AATK: variants seen among roughly 807,000 people sequenced by gnomAD.
AATK encodes lemur tail kinase 1, also known as serine/threonine-protein kinase LMTK1.
AATK carries 91 observed loss-of-function variants against 114.3 expected under a neutral mutation model. The ratio of observed to expected loss-of-function variants is 0.80; its 90% CI spans 0.67 to 0.95. The LOEUF (loss-of-function observed/expected upper bound fraction) is 0.95. Ranked by LOEUF, AATK falls within the 40% of genes least tolerant of loss-of-function variation. The pLI, the probability that AATK is intolerant of heterozygous loss-of-function variation, is 0.00. For synonymous variants in AATK, 1,075 were observed against 916.5 expected (o/e 1.17, Z -3.12); for missense variants, 2,176 against 1,965.2 (o/e 1.11, Z -2.03).
At chr17:81,143,695 C>CT (rs1281789063) in intron 1 of AATK, among the ~76,000 whole-genome samples, 1 of 152,236 alleles carries the variant, frequency 6.6e-6, no homozygotes, top group Non-Finnish European at 1.5e-5. Flanking sequence ...GAGGCCAGGA[C>CT]TGTGTGGAGT....
intron 1 of AATK, among the ~76,000 whole-genome samples, chr17:81,155,040 G>A (rs1231457118): frequency 6.6e-6 from 1 of 152,350 alleles, no homozygotes; most frequent in Non-Finnish European, 1.5e-5. Context: ...GGAGACCTTT[G>A]GAGGGTTCTC....
At position 81,120,505 on chromosome 17, in the gene AATK, C is replaced by A; in HGVS notation, c.3431G>T (p.Arg1144Leu). The change falls in exon 11 of 14, where the codon CGC becomes CTC. Residue 1144 changes from arginine to leucine, a missense_variant. Physicochemically the swap from Arg to Leu is moderately radical, Grantham distance 102. This residue lies in a region of AATK where 1,701 missense variants were observed against 1,394.7 expected (regional missense o/e 1.22). Transcript: ENST00000326724. The part of the protein sequence containing the change: ...GGPGTPRAPL[R>L]LALPGLPAAL... ...CGCAGGGAGGCCGGGCAGAGCCAGG[C>A]GGAGTGGGGCTCTGGGGGTGCCTGG... 5 of 1,491,098 alleles carry A rather than the reference C, an allele frequency of 3.4e-6. No individual in the cohort carries two copies. The highest frequency in any genetic ancestry group is 4.5e-6 in the Non-Finnish European group (5 of 1,117,386). The allele number at this position is 1,491,098 out of a possible 1,614,324, so 92.4% of individuals were successfully genotyped here.
Position 81,118,235 on chromosome 17 carries a change from CCT to C in AATK, c.*165_*166del, listed in dbSNP as rs1237029441. On this transcript the variant is annotated 3_prime_UTR_variant, in exon 14 of 14. Transcript: ENST00000326724. ...AGCATGGCCGATCTACCATCCAGGG[CCT>C]CTCATCCCACGGGCTTCTCCAGGAC... is the stretch of plus-strand genomic sequence containing the variant. 7.7e-6 allele frequency: 5 copies of C among 645,914 alleles called. No individual in the cohort carries two copies. The highest frequency in any genetic ancestry group is 5.5e-5 in the African/African-American group (3 of 54,610). 40.0% of individuals were successfully genotyped at this position (645,914 alleles called of 1,614,324 possible). A position where few individuals can be genotyped will look rare whatever the true frequency, so the allele number is the denominator to read the frequency against.
At chr17:81,159,960 C>G (rs1171479235) in intron 1 of AATK, among the ~76,000 whole-genome samples, 1 of 152,178 alleles carries the variant, frequency 6.6e-6, no homozygotes, top group East Asian at 1.9e-4. Context: ...GACCCCACAC[C>G]CTCCCCGAGG....
In AATK at chr17:81,127,809, C is replaced by T; in HGVS notation, c.516G>A (p.Glu172=). ...CCTCCCACCTGTAGGGCTGCACCTC[C>T]TCCAGGAACTGCATCTGCTCCTGCA... The part of the protein sequence containing the change: ...ASVQEQMQFL[E]EVQPYRALKH... The change falls in exon 5 of 14, where the codon GAG becomes GAA. Residue 172 remains glutamate, a synonymous_variant. Coordinates refer to ENST00000326724, the MANE Select transcript of AATK (RefSeq NM_001080395.3). The T allele has an allele frequency of 6.5e-7, 1 of 1,530,644 alleles. No homozygotes were observed. The highest frequency in any genetic ancestry group is 8.8e-7 in the Non-Finnish European group (1 of 1,130,272). 94.8% of individuals were successfully genotyped at this position (1,530,644 alleles called of 1,614,324 possible). A position where few individuals can be genotyped will look rare whatever the true frequency, so the allele number is the denominator to read the frequency against.
rs1014372182 is a variant in AATK, at chr17:81,121,274, GCAC to G, written c.2659_2661del (p.Val887del). On this transcript the variant is annotated inframe_deletion, in exon 11 of 14. Coordinates refer to ENST00000326724, the MANE Select transcript of AATK (RefSeq NM_001080395.3). ...TGCTTCTGCAGAGAGCGGAAGGCTGGCACCACATCCGGCCTCCTGGCCTGCAGG... is the reference window on the plus strand; with the variant it reads ...TGCTTCTGCAGAGAGCGGAAGGCTGGCACATCCGGCCTCCTGGCCTGCAGG... 6.2e-7 allele frequency: 1 copy of G among 1,611,104 alleles called. No individual in the cohort carries two copies. The highest frequency in any genetic ancestry group is 1.3e-5 in the African/African-American group (1 of 74,840).
chr17:81,120,902 C>T lies in AATK; in HGVS notation c.3034G>A (p.Glu1012Lys). The part of the protein sequence containing the change: ...EAEAEATSGP[E>K]KKCGGDRAPG... ...GCTCGGTCCCCGCCGCACTTCTTCT[C>T]TGGGCCTGAGGTGGCCTCGGCCTCA... Residue 1012 changes from glutamate (E) to lysine (K), a missense_variant, in exon 11 of 14, where the codon GAG (glutamate) becomes AAG (lysine). Around this residue, in one of 4 missense-constraint regions of AATK, gnomAD observed 1,701 missense variants for 1,394.7 expected, o/e 1.22. Coordinates refer to ENST00000326724, the MANE Select transcript of AATK (RefSeq NM_001080395.3). 1 of 1,594,038 alleles carries T rather than the reference C, an allele frequency of 6.3e-7. No individual in the cohort carries two copies. The highest frequency in any genetic ancestry group is 8.5e-7 in the Non-Finnish European group (1 of 1,170,804).
intron 1 of AATK, among the ~76,000 whole-genome samples, chr17:81,150,137 C>T (rs1454469516): frequency 1.3e-5 from 2 of 151,858 alleles, no homozygotes; most frequent in Non-Finnish European, 2.9e-5. Context: ...CTGATGGGTG[C>T]GGGGCTTCCT....
intron 1 of AATK, among the ~76,000 whole-genome samples, chr17:81,155,110 G>A (rs1024175548): frequency 3.9e-5 from 6 of 152,130 alleles, no homozygotes; most frequent in Admixed American, 1.3e-4. Context: ...ACGGCGCTGC[G>A]CTCTGCACGG....
intron 1 of AATK, among the ~76,000 whole-genome samples, chr17:81,139,308 T>C (rs2061087019): frequency 6.6e-6 from 1 of 152,174 alleles, no homozygotes; most frequent in Non-Finnish European, 1.5e-5. Flanking sequence ...CAGCCCCCAC[T>C]AGCAGGTGGG....
chr17:81,131,112 G>A lies in AATK; in HGVS notation c.283C>T (p.Leu95=). The A allele has an allele frequency of 6.4e-7, 1 of 1,560,516 alleles. No individual in the cohort carries two copies. Among genetic ancestry groups the A allele is most frequent in the Non-Finnish European group, 8.7e-7 (1 of 1,152,820 alleles). Residue 95 remains leucine, a synonymous_variant, in exon 3 of 14, where the codon CTG becomes TTG. Transcript: ENST00000326724. ...AAQNGPDVYV[L]PLTEVSLPMA... ...GGCAAGGAGACCTCCGTGAGTGGCA[G>A]GACGTACACGTCGGGCCCGTTCTGT...
At position 81,127,687 on chromosome 17, in the gene AATK, G is replaced by A. The variant is rs1330747093; in HGVS notation, c.534-17C>T. The A allele has an allele frequency of 1.3e-6, 2 of 1,569,120 alleles. No individual in the cohort carries two copies. The highest frequency in any genetic ancestry group is 1.7e-6 in the Non-Finnish European group (2 of 1,157,556). On this transcript the variant is annotated splice_polypyrimidine_tract_variant and intron_variant, in intron 5 of 13. Coordinates refer to ENST00000326724, the MANE Select transcript of AATK (RefSeq NM_001080395.3). ...TTCAGGGCCCTGCGGGAGTGGACAG[G>A]CGGCCCCTGACTTGGGAGGAGGTGG...
At position 81,140,841 on chromosome 17, in the gene AATK, C is replaced by T. The variant is rs1172833203; in HGVS notation, c.56-6340G>A. The stretch of plus-strand genomic sequence containing the variant: ...CCGTGGGGCCGGGAGACCGTGGGGC[C>T]GTGAGCCGTGGGGCTGTGGGGCCGT... On this transcript the variant is annotated intron_variant, in intron 1 of 13. Coordinates refer to ENST00000326724, the MANE Select transcript of AATK (RefSeq NM_001080395.3). Among the ~76,000 whole-genome samples, 3 of 42,278 alleles carry T rather than the reference C, an allele frequency of 7.1e-5. 1 individual carries two copies. The highest frequency in any genetic ancestry group is 2.4e-4 in the African/African-American group (2 of 8,282). 27.7% of individuals were successfully genotyped at this position (42,278 alleles called of 152,430 possible).
chr17:81,136,549 C>G (rs1388079664), intron 1 of AATK, among the ~76,000 whole-genome samples: 1 of 152,216 alleles, frequency 6.6e-6, no homozygotes, highest in Non-Finnish European at 1.5e-5. Context: ...GGACGCCATC[C>G]CATGCCTGGT....
chr17:81,123,435 C>A, intron 9 of AATK, 92 bp from the exon 10 acceptor site: 1 of 1,167,562 alleles, frequency 8.6e-7, no homozygotes, highest in Non-Finnish European at 1.1e-6. Flanking sequence ...GGGCAGCTCC[C>A]GCCATCACGC....
At chr17:81,140,818 G>A (rs1362269949) in intron 1 of AATK, among the ~76,000 whole-genome samples, 4 of 127,774 alleles carry the variant, frequency 3.1e-5, no homozygotes, top group Non-Finnish European at 5.1e-5. Context: ...GCTGTGAGCC[G>A]TGGGGCCGGG....
chr17:81,137,785 CACT>C (rs1398811398), intron 1 of AATK, among the ~76,000 whole-genome samples: 1 of 152,008 alleles, frequency 6.6e-6, no homozygotes, highest in Non-Finnish European at 1.5e-5. Flanking sequence ...CATGTGCACA[CACT>C]ATACACAGGC....
At position 81,133,162 on chromosome 17, in the gene AATK, C is replaced by T. The variant is rs145548617; in HGVS notation, c.189+1206G>A. 653 of 466,828 alleles carry T rather than the reference C, an allele frequency of 1.4e-3. 3 individuals are homozygous for T. Among genetic ancestry groups the T allele is most frequent in the African/African-American group, 0.012 (585 of 50,394 alleles). The allele number at this position is 466,828 out of a possible 1,614,324, so 28.9% of individuals were successfully genotyped here. On this transcript the variant is annotated intron_variant, in intron 2 of 13. Transcript: ENST00000326724. ...CCACAGCCTGGGGCCACAGCTTTGC[C>T]CCCCAGGCACGCAGCTCCTCACTGG... is the stretch of plus-strand genomic sequence containing the variant.
chr17:81,147,275 C>T lies in AATK; in HGVS notation c.56-12774G>A, dbSNP rs181924366. On this transcript the variant is annotated intron_variant, in intron 1 of 13. Coordinates refer to ENST00000326724, the MANE Select transcript of AATK (RefSeq NM_001080395.3). ...ACTCGGGAGGCTGAGGCAGGAGAAT[C>T]GCTTGAACCCGGAAGGCAGAGGTTG... Among the ~76,000 whole-genome samples the T allele has an allele frequency of 1.7e-4, 25 of 150,786 alleles. 1 individual carries two copies. In the South Asian group the frequency reaches 4.4e-3, roughly 27 times the overall value.
Sources: gnomAD v4.1 joint callset for allele counts (sites outside exome capture counted in the v4.1 genomes callset) on GRCh38, gnomAD v4.1.1 for gene constraint, gnomAD v4.1.1 regional missense constraint, MANE v1.5 for transcripts, NCBI Gene and HGNC (gene_info 2026-07-23, HGNC 2026-07-21) for gene names.